Variants in FBLN5 observed in about 807,000 individuals in gnomAD.
FBLN5 encodes the protein fibulin-5.
A neutral mutation model predicts 61.6 loss-of-function variants in FBLN5; 24 were observed. The ratio of observed to expected loss-of-function variants is 0.39; its 90% CI spans 0.28 to 0.55. FBLN5 has a LOEUF of 0.55. Ranked by LOEUF, FBLN5 falls within the 20% of genes least tolerant of loss-of-function variation. The probability of loss-of-function intolerance (pLI) is 0.65; values close to 1 mark genes in which losing one functional copy is unlikely to be tolerated. For missense variants in FBLN5, 470 were observed against 594.1 expected, an observed-to-expected ratio of 0.79 and a Z score of 2.17; for synonymous variants, 213 against 219.8, an observed-to-expected ratio of 0.97 and a Z score of 0.27.
At chr14:91,923,949 G>A (rs769156002) in intron 4 of FBLN5, among the ~76,000 whole-genome samples, 3 of 152,244 alleles carry the variant, frequency 2.0e-5, no homozygotes, top group Non-Finnish European at 2.9e-5. Context: ...ACCTACGTTC[G>A]TTGCCATCCC....
At chr14:91,904,121 C>G (rs558900063) in intron 4 of FBLN5, among the ~76,000 whole-genome samples, 28 of 152,112 alleles carry the variant, frequency 1.8e-4, no homozygotes, top group Admixed American at 3.3e-4. Flanking sequence ...CCACGTGCAT[C>G]GGAACCTCCA....
rs150715038 is a variant in FBLN5 at position 91,942,902 on chromosome 14, C to A, written c.72+5G>T. On this transcript the variant is annotated splice_donor_5th_base_variant and intron_variant, in intron 2 of 10. Transcript: ENST00000342058. Reference sequence around the variant, plus strand: ...GTAGATATTTTTTAAAAATAAAAATCTTACCTGTGCATTCCCAGGGCTTGG... The same window carrying A: ...GTAGATATTTTTTAAAAATAAAAATATTACCTGTGCATTCCCAGGGCTTGG... 123 of 1,527,356 alleles carry A rather than the reference C, an allele frequency of 8.1e-5. 1 individual carries two copies. The East Asian group carries it at 3.0e-3, about 37-fold the overall frequency. The allele number at this position is 1,527,356 out of a possible 1,614,324, so 94.6% of individuals were successfully genotyped here. A position where few individuals can be genotyped will look rare whatever the true frequency, so the allele number is the denominator to read the frequency against.
rs2139935828 is a variant in FBLN5, at chr14:91,869,811, T to G, written c.*413A>C. On this transcript the variant is annotated 3_prime_UTR_variant, in exon 11 of 11. Coordinates refer to ENST00000342058, the MANE Select transcript of FBLN5 (RefSeq NM_006329.4). ...CCAGGGTTCCCCGCCAGCTCCCGGG[T>G]CTTTGCAAAGCAGTAACACAGTGAG... 3.9e-6 allele frequency: 1 copy of G among 256,630 alleles called. No individual in the cohort carries two copies. The highest frequency in any genetic ancestry group is 9.7e-5 in the East Asian group (1 of 10,324). 15.9% of individuals were successfully genotyped at this position (256,630 alleles called of 1,614,324 possible).
At chr14:91,918,951 G>C (rs559163108) in intron 4 of FBLN5, among the ~76,000 whole-genome samples, 6 of 152,200 alleles carry the variant, frequency 3.9e-5, no homozygotes, top group Admixed American at 3.9e-4. Context: ...GAGAAGAGGA[G>C]GTTCCAATGG....
chr14:91,873,292 C>T (rs1276694642), intron 10 of FBLN5, among the ~76,000 whole-genome samples: 1 of 152,196 alleles, frequency 6.6e-6, no homozygotes, highest in Non-Finnish European at 1.5e-5. Flanking sequence ...ACAGTGATGA[C>T]GGTGGTGGTT....
chr14:91,911,448 T>A (rs912901926), intron 4 of FBLN5, among the ~76,000 whole-genome samples: 2 of 152,304 alleles, frequency 1.3e-5, no homozygotes, highest in East Asian at 3.9e-4. Context: ...AGGCACAGAA[T>A]TGGCCCTCAG....
chr14:91,874,978 C>T (rs1889100931), intron 10 of FBLN5, among the ~76,000 whole-genome samples: 1 of 152,060 alleles, frequency 6.6e-6, no homozygotes, highest in African/African-American at 2.4e-5. Flanking sequence ...CAGGTCATGC[C>T]ACCACACCTG....
chr14:91,880,154 T>G (rs1019679209), intron 9 of FBLN5, among the ~76,000 whole-genome samples: 1 of 152,090 alleles, frequency 6.6e-6, no homozygotes, highest in South Asian at 2.1e-4. Context: ...ACGAGAGAAC[T>G]CTCCAGCACC....
At chr14:91,884,055 T>C (rs1370978810) in intron 7 of FBLN5, among the ~76,000 whole-genome samples, 2 of 152,214 alleles carry the variant, frequency 1.3e-5, no homozygotes, top group Admixed American at 1.3e-4. Context: ...ATGTGACATG[T>C]CCTCGGATTA....
intron 3 of FBLN5, chr14:91,938,184 C>T (rs998246273): frequency 2.0e-5 from 3 of 152,594 alleles, no homozygotes; most frequent in African/African-American, 7.2e-5. Flanking sequence ...AGGCTGGGCA[C>T]AGTGGCTCAT....
chr14:91,937,097 G>C lies in FBLN5; in HGVS notation c.229C>G (p.Arg77Gly), dbSNP rs758038859. 1.9e-6 allele frequency: 3 copies of C among 1,613,994 alleles called. No individual in the cohort carries two copies. Among genetic ancestry groups the C allele is most frequent in the Non-Finnish European group, 2.5e-6 (3 of 1,179,982 alleles). Residue 77 changes from arginine to glycine, a missense_variant, in exon 4 of 11, where the codon CGA becomes GGA. Physicochemically the swap from Arg to Gly is moderately radical, Grantham distance 125. Transcript: ENST00000342058. ...LCIPRTNPVY[R>G]GPYSNPYSTP... ...GAGTAGGGGTTCGAGTAGGGCCCTC[G>C]ATACACAGGGTTTGTCCGGGGAATG...
In FBLN5 at chr14:91,915,600, T is replaced by C. The variant is rs182087874; in HGVS notation, c.380-20528A>G. Among the ~76,000 whole-genome samples the C allele has an allele frequency of 8.2e-3, 1,124 of 136,926 alleles. 3 individuals are homozygous for C. The highest frequency in any genetic ancestry group is 0.01 in the Admixed American group (117 of 11,586). 89.8% of individuals were successfully genotyped at this position (136,926 alleles called of 152,430 possible). On this transcript the variant is annotated intron_variant, in intron 4 of 10. Transcript: ENST00000342058. ...TACTCAGGAGGCTGAGGCAGGAGAATGGCATGAACCCGGGAGGCGGAGGTT... is the reference window on the plus strand; with the variant it reads ...TACTCAGGAGGCTGAGGCAGGAGAACGGCATGAACCCGGGAGGCGGAGGTT...
intron 4 of FBLN5, among the ~76,000 whole-genome samples, chr14:91,913,502 T>C (rs780967383): frequency 2.1e-4 from 32 of 152,208 alleles, no homozygotes; most frequent in Non-Finnish European, 3.7e-4. Flanking sequence ...TCAGTGCCTG[T>C]TTTCCAGGCC....
chr14:91,908,130 A>C, intron 4 of FBLN5, among the ~76,000 whole-genome samples: 1 of 152,160 alleles, frequency 6.6e-6, no homozygotes, highest in Non-Finnish European at 1.5e-5. Flanking sequence ...CTAATAAAAA[A>C]CAACTGACGC....
chr14:91,933,318 AG>A (rs2055958640), intron 4 of FBLN5, among the ~76,000 whole-genome samples: 1 of 152,128 alleles, frequency 6.6e-6, no homozygotes, highest in Non-Finnish European at 1.5e-5. Flanking sequence ...TCTGTCGCCC[AG>A]GCTGGAGTGT....
chr14:91,909,918 A>G (rs933808067), intron 4 of FBLN5, among the ~76,000 whole-genome samples: 3 of 152,196 alleles, frequency 2.0e-5, no homozygotes, highest in African/African-American at 7.2e-5. Flanking sequence ...GAAACTGAAC[A>G]CTTGTGGGAA....
intron 4 of FBLN5, among the ~76,000 whole-genome samples, chr14:91,910,223 C>T (rs2094429216): frequency 6.6e-6 from 1 of 152,156 alleles, no homozygotes; most frequent in African/African-American, 2.4e-5. Flanking sequence ...GCACGTGCTA[C>T]AACATGAATG....
At position 91,870,048 on chromosome 14, in the gene FBLN5, G is replaced by T; in HGVS notation, c.*176C>A. On this transcript the variant is annotated 3_prime_UTR_variant, in exon 11 of 11. Transcript: ENST00000342058. Reference sequence around the variant, plus strand: ...GAACTGGGGGTGGCAAGTCCTGCAGGGTGACAGGTCTGCAATAGTACAGGT... The same window carrying T: ...GAACTGGGGGTGGCAAGTCCTGCAGTGTGACAGGTCTGCAATAGTACAGGT... 2.9e-6 allele frequency: 2 copies of T among 681,660 alleles called. No homozygotes were observed. Among genetic ancestry groups the T allele is most frequent in the Non-Finnish European group, 5.3e-6 (2 of 377,272 alleles). 42.2% of individuals were successfully genotyped at this position (681,660 alleles called of 1,614,324 possible). A position where few individuals can be genotyped will look rare whatever the true frequency, so the allele number is the denominator to read the frequency against.
At chr14:91,881,979 G>A (rs1358819691) in intron 8 of FBLN5, among the ~76,000 whole-genome samples, 6 of 151,666 alleles carry the variant, frequency 4.0e-5, no homozygotes, top group Admixed American at 3.9e-4. Context: ...GGTGGCATGC[G>A]CCTGTACTAA....
Sources: allele counts gnomAD v4.1 joint callset (sites outside exome capture counted in the v4.1 genomes callset), GRCh38; gene constraint gnomAD v4.1.1; transcripts MANE v1.5; gene names NCBI Gene and HGNC (gene_info 2026-07-23, HGNC 2026-07-21).